Variants in PLEKHA5 observed in about 807,000 individuals in gnomAD.
The protein encoded by PLEKHA5 is pleckstrin homology domain-containing family A member 5.
In PLEKHA5, 55 loss-of-function variants were observed where a neutral mutation model predicts 181.9. The observed-to-expected ratio is 0.30, with a 90% confidence interval of 0.24 to 0.38. The LOEUF (loss-of-function observed/expected upper bound fraction) is 0.38, where lower values mean the gene tolerates loss of function less well. Ranked by LOEUF, PLEKHA5 falls within the 10% of genes least tolerant of loss-of-function variation. The pLI is 1.00. For synonymous variants in PLEKHA5, 535 were observed against 529.4 expected (o/e 1.01, Z -0.15); for missense variants, 1,432 against 1,549.5 (o/e 0.92, Z 1.27).
intron 15 of PLEKHA5, among the ~76,000 whole-genome samples, chr12:19,292,627 G>A (rs971870495): frequency 6.6e-6 from 1 of 151,916 alleles, no homozygotes; most frequent in African/African-American, 2.4e-5. Flanking sequence ...GCCTGGTTGA[G>A]GTGAATGTTC....
Position 19,342,228 on chromosome 12 carries a change from C to T in PLEKHA5, c.2551-1095C>T, listed in dbSNP as rs542893090. 5.3e-5 allele frequency among the ~76,000 whole-genome samples: 8 copies of T among 152,140 alleles called. 1 individual carries two copies. The East Asian group carries it at 1.3e-3, about 26-fold the overall frequency. Reference sequence around the variant, plus strand: ...TCCTAGAATAGTGTTTAGTATTATCCAGAATGGTGTTATTATTACCCTATT... The same window carrying T: ...TCCTAGAATAGTGTTTAGTATTATCTAGAATGGTGTTATTATTACCCTATT... On this transcript the variant is annotated intron_variant, in intron 21 of 31. Transcript: ENST00000429027.
chr12:19,255,138 A>C lies in PLEKHA5; in HGVS notation c.405A>C (p.Ala135=), dbSNP rs199549748. Reference sequence around the variant, plus strand: ...ACTATAACGTGACTTCAGATTATGCAGTGCATCCAATGAGCCCTGTAGGCA... The same window carrying C: ...ACTATAACGTGACTTCAGATTATGCCGTGCATCCAATGAGCCCTGTAGGCA... ...ASNYNVTSDY[A]VHPMSPVGRT... The change falls in exon 5 of 32, where the codon GCA becomes GCC. Residue 135 remains alanine, a synonymous_variant. Coordinates refer to ENST00000429027, the MANE Select transcript of PLEKHA5 (RefSeq NM_001256470.2). 8.7e-6 allele frequency: 14 copies of C among 1,606,490 alleles called. No homozygotes were observed. The highest frequency in any genetic ancestry group is 1.1e-5 in the Non-Finnish European group (13 of 1,174,692).
At position 19,212,783 on chromosome 12, in the gene PLEKHA5, C is replaced by T. The variant is rs117982775; in HGVS notation, c.228-41157C>T. ...CTCACAGCATCTACAGGGAAGATAT[C>T]ATTCCCATTTCAGAAAGAGGAAAAC... On this transcript the variant is annotated intron_variant, in intron 3 of 31. Transcript: ENST00000429027. 1.7e-3 allele frequency among the ~76,000 whole-genome samples: 257 copies of T among 151,734 alleles called. 3 individuals are homozygous for T. The East Asian group carries it at 0.026, about 15-fold the overall frequency.
intron 3 of PLEKHA5, among the ~76,000 whole-genome samples, chr12:19,234,847 G>A (rs1432677468): frequency 6.6e-6 from 1 of 152,134 alleles, no homozygotes; most frequent in Non-Finnish European, 1.5e-5. Flanking sequence ...TTGGGGGTAA[G>A]GATAGTAAGC....
chr12:19,316,168 A>G (rs1319252876), intron 16 of PLEKHA5, among the ~76,000 whole-genome samples: 2 of 152,052 alleles, frequency 1.3e-5, no homozygotes, highest in African/African-American at 4.8e-5. Flanking sequence ...TCAGTAAAAT[A>G]TATCATCTAT....
At chr12:19,232,474 C>G (rs547597245) in intron 3 of PLEKHA5, among the ~76,000 whole-genome samples, 1 of 152,200 alleles carries the variant, frequency 6.6e-6, no homozygotes, top group East Asian at 1.9e-4. Flanking sequence ...TAAAAAATGT[C>G]TAAGTCTCTT....
At chr12:19,263,076 A>G (rs946943925) in intron 7 of PLEKHA5, among the ~76,000 whole-genome samples, 1 of 152,246 alleles carries the variant, frequency 6.6e-6, no homozygotes, top group African/African-American at 2.4e-5. Flanking sequence ...GTTGGAAAGA[A>G]GTATATGATA....
At chr12:19,355,344 CTTTTTT>C (rs756942658) in intron 26 of PLEKHA5, among the ~76,000 whole-genome samples, 1 of 94,020 alleles carries the variant, frequency 1.1e-5, no homozygotes, top group Non-Finnish European at 2.2e-5. Context: ...TATGGCTAGT[CTTTTTT>C]TTTTTTTTTT....
intron 20 of PLEKHA5, among the ~76,000 whole-genome samples, chr12:19,333,802 G>C (rs527696950): frequency 5.5e-4 from 83 of 151,834 alleles, no homozygotes; most frequent in African/African-American, 2.0e-3. Context: ...GTAGAGACAG[G>C]GTTTCACTAT....
chr12:19,156,126 A>G (rs181248706), intron 3 of PLEKHA5, among the ~76,000 whole-genome samples: 1 of 152,062 alleles, frequency 6.6e-6, no homozygotes. Flanking sequence ...TTCTTATTGC[A>G]GGGACCGCCC....
chr12:19,284,291 ACTC>A (rs1240358454), intron 12 of PLEKHA5, among the ~76,000 whole-genome samples: 7 of 151,178 alleles, frequency 4.6e-5, no homozygotes, highest in African/African-American at 1.7e-4. Flanking sequence ...CTGGTCTTGA[ACTC>A]CTGATCTCAA....
At chr12:19,317,290 A>G (rs557136287) in intron 16 of PLEKHA5, among the ~76,000 whole-genome samples, 11 of 152,166 alleles carry the variant, frequency 7.2e-5, no homozygotes, top group African/African-American at 2.4e-4. Context: ...CGAAGCTGCA[A>G]TGAACTGTGA....
At chr12:19,283,209 A>G in intron 11 of PLEKHA5, 71 bp from the exon 12 acceptor site, 1 of 891,978 alleles carries the variant, frequency 1.1e-6, no homozygotes, top group Non-Finnish European at 1.7e-6. Context: ...AACAAAAGAA[A>G]TGTACTCTAA....
intron 10 of PLEKHA5, among the ~76,000 whole-genome samples, chr12:19,273,065 C>CA (rs2073468948): frequency 1.7e-4 from 1 of 5,888 alleles, no homozygotes; most frequent in South Asian, 5.8e-3. Context: ...CTCCACCAAG[C>CA]CAGCTAATTT....
intron 20 of PLEKHA5, among the ~76,000 whole-genome samples, chr12:19,323,804 A>G (rs1289016348): frequency 3.2e-5 from 4 of 124,074 alleles, no homozygotes; most frequent in Non-Finnish European, 7.0e-5. Context: ...CAACAGAGTG[A>G]GACTCTGTTT....
chr12:19,155,658 A>T (rs2041514364), intron 3 of PLEKHA5, among the ~76,000 whole-genome samples: 1 of 152,210 alleles, frequency 6.6e-6, no homozygotes, highest in Admixed American at 6.5e-5. Flanking sequence ...TTTATCTTGA[A>T]TTTGTTACTA....
intron 3 of PLEKHA5, among the ~76,000 whole-genome samples, chr12:19,212,029 T>G (rs1342511159): frequency 6.6e-6 from 1 of 152,210 alleles, no homozygotes; most frequent in Non-Finnish European, 1.5e-5. Context: ...TTTGGTCTGT[T>G]GAGCCTAGTG....
chr12:19,304,059 T>C (rs951401627), intron 15 of PLEKHA5, among the ~76,000 whole-genome samples: 1 of 150,454 alleles, frequency 6.6e-6, no homozygotes, highest in Non-Finnish European at 1.5e-5. Context: ...TCCACCTGCC[T>C]TGGCCTCCCA....
intron 3 of PLEKHA5, among the ~76,000 whole-genome samples, chr12:19,230,417 C>T (rs1160684581): frequency 6.6e-6 from 1 of 152,146 alleles, no homozygotes; most frequent in East Asian, 1.9e-4. Context: ...GGGGGCGGTG[C>T]TCGTCGGGGA....
Sources: gnomAD v4.1 joint callset for allele counts (sites outside exome capture counted in the v4.1 genomes callset) on GRCh38, gnomAD v4.1.1 for gene constraint, MANE v1.5 for transcripts, NCBI Gene and HGNC (gene_info 2026-07-23, HGNC 2026-07-21) for gene names.